Variants in TRUB1 observed in about 807,000 individuals in gnomAD.
TRUB1 encodes the protein pseudouridylate synthase TRUB1.
Under a neutral mutation model 33.9 loss-of-function variants are expected in TRUB1, and 23 were observed. The ratio of observed to expected loss-of-function variants is 0.68; its 90% CI spans 0.49 to 0.96. The LOEUF is 0.96. TRUB1 is among the 40% of genes least tolerant of loss of function. The pLI, the probability that TRUB1 is intolerant of heterozygous loss-of-function variation, is 0.00. For synonymous variants in TRUB1, 163 were observed against 165.4 expected (o/e 0.99, Z 0.11); for missense variants, 378 against 422.2 (o/e 0.90, Z 0.92).
At chr10:114,970,544 C>A in intron 5 of TRUB1, 104 bp downstream of exon 5, 1 of 883,814 alleles carries the variant, frequency 1.1e-6, no homozygotes, top group Non-Finnish European at 1.8e-6. Context: ...TATGGCAAGG[C>A]AGGTTTTAAA....
rs2084364307 is a variant in TRUB1, at chr10:114,977,061, T to C, written c.*1682T>C. On this transcript the variant is annotated 3_prime_UTR_variant, in exon 8 of 8. Transcript: ENST00000298746. ...ACACATCAGAGGTATTTCTGCTGTA[T>C]TTTTCACCTTAAAAATTGACACAGA... 6.6e-6 allele frequency: 1 copy of C among 152,140 alleles called. No homozygotes were observed. The highest frequency in any genetic ancestry group is 2.4e-5 in the African/African-American group (1 of 41,442). 9.4% of individuals were successfully genotyped at this position (152,140 alleles called of 1,614,324 possible).
At position 114,976,198 on chromosome 10, in the gene TRUB1, T is replaced by C. The variant is rs552882783; in HGVS notation, c.*819T>C. ...AGAATGTGTCTTCAACTAAAAACTTTATTCTTTAGCATTTATTTATATTTC... is the reference window on the plus strand; with the variant it reads ...AGAATGTGTCTTCAACTAAAAACTTCATTCTTTAGCATTTATTTATATTTC... On this transcript the variant is annotated 3_prime_UTR_variant, in exon 8 of 8. Coordinates refer to ENST00000298746, the MANE Select transcript of TRUB1 (RefSeq NM_139169.5). 3 of 150,764 alleles carry C rather than the reference T, an allele frequency of 2.0e-5. No individual in the cohort carries two copies. Among genetic ancestry groups the C allele is most frequent in the South Asian group, 4.2e-4 (2 of 4,748 alleles). 9.3% of individuals were successfully genotyped at this position (150,764 alleles called of 1,614,324 possible). A position where few individuals can be genotyped will look rare whatever the true frequency, so the allele number is the denominator to read the frequency against.
intron 4 of TRUB1, among the ~76,000 whole-genome samples, chr10:114,966,314 T>G (rs1239170765): frequency 6.6e-6 from 1 of 152,190 alleles, no homozygotes; most frequent in East Asian, 1.9e-4. Flanking sequence ...CATACTTTTA[T>G]TTTGAGACTT....
chr10:114,952,571 C>T (rs906327150), intron 3 of TRUB1, among the ~76,000 whole-genome samples: 16 of 152,126 alleles, frequency 1.1e-4, no homozygotes, highest in Non-Finnish European at 2.1e-4. Context: ...TAAAAAGCCT[C>T]GGAGAACATA....
chr10:114,941,640 G>A (rs2084187269), intron 1 of TRUB1, among the ~76,000 whole-genome samples: 1 of 152,162 alleles, frequency 6.6e-6, no homozygotes, highest in Admixed American at 6.5e-5. Context: ...ACTGTGCCCG[G>A]CTCACTTTAT....
At chr10:114,942,775 C>A in intron 2 of TRUB1, 32 bp downstream of exon 2, 1 of 1,322,614 alleles carries the variant, frequency 7.6e-7, no homozygotes, top group Non-Finnish European at 1.1e-6. Flanking sequence ...TAAGTGTCCA[C>A]TGTCACTTAA....
At chr10:114,962,893 G>T (rs1403995337) in intron 4 of TRUB1, among the ~76,000 whole-genome samples, 1 of 152,214 alleles carries the variant, frequency 6.6e-6, no homozygotes, top group Non-Finnish European at 1.5e-5. Flanking sequence ...TCTCAGAAAA[G>T]ATGACTGCAG....
chr10:114,945,815 A>G (rs994095525), intron 2 of TRUB1, among the ~76,000 whole-genome samples: 1 of 152,202 alleles, frequency 6.6e-6, no homozygotes, highest in Non-Finnish European at 1.5e-5. Flanking sequence ...TGAAGCTTCC[A>G]TTTTAGTATT....
intron 4 of TRUB1, among the ~76,000 whole-genome samples, chr10:114,966,964 G>GT (rs1247626155): frequency 6.6e-6 from 1 of 152,138 alleles, no homozygotes; most frequent in African/African-American, 2.4e-5. Flanking sequence ...ATTCAACAAA[G>GT]TTTCTTCATT....
At chr10:114,953,844 C>T (rs964437069) in intron 3 of TRUB1, among the ~76,000 whole-genome samples, 36 of 152,066 alleles carry the variant, frequency 2.4e-4, no homozygotes, top group Non-Finnish European at 4.9e-4. Context: ...AGGTGCCAGG[C>T]TCTTTTAAAC....
intron 1 of TRUB1, among the ~76,000 whole-genome samples, chr10:114,939,556 A>G (rs2084176401): frequency 6.6e-6 from 1 of 152,178 alleles, no homozygotes; most frequent in Non-Finnish European, 1.5e-5. Flanking sequence ...GCAAAAACAA[A>G]TTATTCTGAT....
At chr10:114,946,863 A>G (rs1010716176) in intron 2 of TRUB1, among the ~76,000 whole-genome samples, 5 of 152,258 alleles carry the variant, frequency 3.3e-5, no homozygotes, top group Admixed American at 3.3e-4. Context: ...TGGTAGGCAA[A>G]ATAATGGCCC....
At chr10:114,939,826 CTT>C (rs1226215746) in intron 1 of TRUB1, among the ~76,000 whole-genome samples, 11 of 54,980 alleles carry the variant, frequency 2.0e-4, no homozygotes, top group Non-Finnish European at 3.1e-4. Context: ...GGTTTCTTTT[CTT>C]TTTTTTTTTT....
In TRUB1 at chr10:114,938,419, G is replaced by A; in HGVS notation, c.166G>A (p.Val56Ile). The part of the protein sequence containing the change: ...AAARTGSEAR[V>I]SKAALATKLL... ...GGCCAGGACCGGATCCGAAGCCAGG[G>A]TCTCCAAGGCCGCTTTGGCTACCAA... Residue 56 changes from valine (V) to isoleucine (I), a missense_variant, in exon 1 of 8, where the codon GTC becomes ATC. Physicochemically the swap from Val to Ile is conservative, Grantham distance 29 (BLOSUM62 3). Transcript: ENST00000298746. The A allele has an allele frequency of 6.3e-7, 1 of 1,599,524 alleles. No homozygotes were observed. The highest frequency in any genetic ancestry group is 8.5e-7 in the Non-Finnish European group (1 of 1,172,958).
At chr10:114,956,972 C>T (rs1444702047) in intron 3 of TRUB1, among the ~76,000 whole-genome samples, 5 of 152,132 alleles carry the variant, frequency 3.3e-5, no homozygotes, top group African/African-American at 9.7e-5. Flanking sequence ...GAATCCAGCA[C>T]GTAGCTACAT....
intron 2 of TRUB1, among the ~76,000 whole-genome samples, chr10:114,944,799 A>G (rs1362414745): frequency 6.6e-6 from 1 of 152,094 alleles, no homozygotes; most frequent in African/African-American, 2.4e-5. Context: ...AGCTTAGACA[A>G]TGTGGCGAAA....
chr10:114,951,389 A>G (rs1289960146), intron 3 of TRUB1, among the ~76,000 whole-genome samples: 2 of 152,212 alleles, frequency 1.3e-5, no homozygotes, highest in Non-Finnish European at 2.9e-5. Flanking sequence ...CATTTAACAA[A>G]ATTATATTTA....
intron 2 of TRUB1, among the ~76,000 whole-genome samples, chr10:114,946,682 T>TAA (rs1301635045): frequency 6.6e-6 from 1 of 151,580 alleles, no homozygotes; most frequent in East Asian, 1.9e-4. Context: ...CAAACAAAAC[T>TAA]AAAACTGGAC....
intron 2 of TRUB1, among the ~76,000 whole-genome samples, chr10:114,947,464 G>A (rs1432648398): frequency 4.6e-5 from 7 of 152,090 alleles, no homozygotes; most frequent in African/African-American, 7.2e-5. Flanking sequence ...TAACTTTAGA[G>A]GTTATAGAAA....
Sources: allele counts gnomAD v4.1 joint callset (sites outside exome capture counted in the v4.1 genomes callset), GRCh38; gene constraint gnomAD v4.1.1; transcripts MANE v1.5; gene names NCBI Gene and HGNC (gene_info 2026-07-23, HGNC 2026-07-21).